Variants in CFAP47 observed in about 807,000 individuals in gnomAD.
CFAP47 encodes cilia and flagella associated protein 47.
Under a neutral mutation model 148.1 loss-of-function variants are expected in CFAP47, and 29 were observed. The observed-to-expected ratio is 0.20, with a 90% CI of 0.15 to 0.27. The LOEUF (loss-of-function observed/expected upper bound fraction) is 0.27. Among genes scored for constraint, CFAP47 ranks in the 10% least tolerant of loss-of-function variants. CFAP47 has a pLI of 1.00. For missense variants in CFAP47, 1,872 were observed against 1,697.5 expected (o/e 1.10, Z -1.81); for synonymous variants, 664 against 577.3 (o/e 1.15, Z -2.15).
chrX:36,312,703 C>A (rs1371728441), intron 56 of CFAP47, among the ~76,000 whole-genome samples: 1 of 111,578 alleles, frequency 9.0e-6, no homozygotes, highest in Non-Finnish European at 1.9e-5. Flanking sequence ...CATTGCTGTA[C>A]ATTTCTTTCT....
chrX:36,302,056 T>C (rs1941303354), intron 53 of CFAP47, among the ~76,000 whole-genome samples: 1 of 109,237 alleles, frequency 9.2e-6, no homozygotes, highest in Admixed American at 1.0e-4. Flanking sequence ...AGATATCTAG[T>C]ATGAAAATAT....
Position 36,334,619 on chromosome X carries a change from T to C in CFAP47, c.8444-13510T>C, listed in dbSNP as rs148509207. Among the ~76,000 whole-genome samples, 707 of 110,173 alleles carry C rather than the reference T, an allele frequency of 6.4e-3. 9 individuals carry two copies. The highest frequency in any genetic ancestry group is 0.022 in the African/African-American group (655 of 29,933). On this transcript the variant is annotated intron_variant, in intron 57 of 63. Coordinates refer to ENST00000378653, the MANE Select transcript of CFAP47 (RefSeq NM_001304548.2). ...CGATTCCAAACCTCCACTTTTTTTT[T>C]CTTGAGCCAGTTCAGTCAGGCTATT...
intron 27 of CFAP47, among the ~76,000 whole-genome samples, chrX:36,067,934 A>C (rs1601957858): frequency 9.0e-6 from 1 of 111,340 alleles, no homozygotes; most frequent in East Asian, 2.8e-4. Flanking sequence ...TACAGGCGTG[A>C]GCCACCGCGC....
intron 62 of CFAP47, chrX:36,374,919 C>T: frequency 1.5e-6 from 1 of 647,995 alleles, no homozygotes; most frequent in Non-Finnish European, 2.5e-6. Context: ...GATTATTCTG[C>T]CGTTTTTCTA....
chrX:36,176,035 A>T (rs901030183), intron 39 of CFAP47, among the ~76,000 whole-genome samples: 12 of 112,111 alleles, frequency 1.1e-4, no homozygotes, highest in African/African-American at 3.9e-4. Flanking sequence ...GGAAAAGCGC[A>T]GTATTCAGGT....
At chrX:36,364,901 CATAT>C (rs60748143) in intron 61 of CFAP47, among the ~76,000 whole-genome samples, 9,878 of 66,671 alleles carry the variant, frequency 0.15, 757 homozygotes, top group East Asian at 0.23. Flanking sequence ...ATATTTTGTG[CATAT>C]ATATATATAT....
chrX:36,016,841 C>G (rs1316806751), intron 22 of CFAP47, among the ~76,000 whole-genome samples: 2 of 108,123 alleles, frequency 1.8e-5, no homozygotes, highest in Non-Finnish European at 3.8e-5. Flanking sequence ...TTGTTTTTGC[C>G]TATCTTTTGG....
At chrX:36,012,175 G>A (rs190985656) in intron 21 of CFAP47, among the ~76,000 whole-genome samples, 75 of 111,355 alleles carry the variant, frequency 6.7e-4, no homozygotes, top group Non-Finnish European at 1.2e-3. Context: ...AATAGATGCC[G>A]GTGAGGCTGT....
intron 62 of CFAP47, chrX:36,367,996 G>A (rs1941895312): frequency 9.0e-6 from 1 of 111,659 alleles, no homozygotes; most frequent in South Asian, 3.7e-4. Context: ...CAGCTTTATG[G>A]TCAAAATGAG....
chrX:35,919,895 T>C lies in CFAP47; in HGVS notation c.96T>C (p.Asp32=). ...QRGSLVPRDM[D]SSGRDMQLRV... ...GTTCCCTCGTCCCCCGGGATATGGA[T>C]AGCTCGGGTAGAGACATGCAGCTGC... The change falls in exon 1 of 64, where the codon GAT becomes GAC. Residue 32 remains aspartate (D), a synonymous_variant. Transcript: ENST00000378653. 1 of 1,210,789 alleles carries C rather than the reference T, an allele frequency of 8.3e-7. No individual in the cohort carries two copies. Among genetic ancestry groups the C allele is most frequent in the African/African-American group, 1.7e-5 (1 of 57,662 alleles).
rs1311880322 is a variant in CFAP47 at position 36,106,477 on chromosome X, G to T, written c.5320+1786G>T. On this transcript the variant is annotated intron_variant, in intron 33 of 63. Transcript: ENST00000378653. ...CAGATCTAAAGGCTGAGAAGTCCAA[G>T]ATTAAGGTACTGGCAGGTTCTATGT... Among the ~76,000 whole-genome samples the T allele has an allele frequency of 3.8e-4, 43 of 111,795 alleles. 2 individuals are homozygous for T. The highest frequency in any genetic ancestry group is 5.6e-5 in the Non-Finnish European group (3 of 53,161).
chrX:36,264,604 G>A (rs1204926618), intron 49 of CFAP47, among the ~76,000 whole-genome samples: 1 of 111,687 alleles, frequency 9.0e-6, no homozygotes, highest in Non-Finnish European at 1.9e-5. Context: ...GATGCTCTCC[G>A]CTCACTGCCA....
At chrX:36,019,829 T>C (rs771995326) in intron 22 of CFAP47, among the ~76,000 whole-genome samples, 1 of 112,204 alleles carries the variant, frequency 8.9e-6, no homozygotes, top group South Asian at 3.6e-4. Flanking sequence ...TCTCTCTTGT[T>C]TTTTAGTTAG....
intron 33 of CFAP47, among the ~76,000 whole-genome samples, chrX:36,129,664 C>A (rs757042656): frequency 1.8e-5 from 2 of 111,093 alleles, no homozygotes; most frequent in South Asian, 7.4e-4. Flanking sequence ...AAATTACTAG[C>A]AAATGGAATC....
intron 26 of CFAP47, among the ~76,000 whole-genome samples, chrX:36,055,165 T>A (rs1371136539): frequency 9.0e-6 from 1 of 110,750 alleles, no homozygotes; most frequent in African/African-American, 3.3e-5. Flanking sequence ...TTTATTTTTC[T>A]TCAATTTTTA....
At chrX:36,170,010 C>T (rs1483171665) in intron 39 of CFAP47, among the ~76,000 whole-genome samples, 2 of 111,753 alleles carry the variant, frequency 1.8e-5, no homozygotes, top group African/African-American at 6.5e-5. Flanking sequence ...CAGTCTTTCC[C>T]TTCTTCAGGT....
chrX:36,320,327 C>T (rs1941468663), intron 57 of CFAP47, among the ~76,000 whole-genome samples: 1 of 112,145 alleles, frequency 8.9e-6, no homozygotes, highest in African/African-American at 3.2e-5. Context: ...AAAATACTGA[C>T]TGAAATAAAT....
At chrX:36,191,893 G>T (rs1013085504) in intron 42 of CFAP47, among the ~76,000 whole-genome samples, 2 of 110,790 alleles carry the variant, frequency 1.8e-5, no homozygotes, top group Admixed American at 1.9e-4. Flanking sequence ...TGAGGCAGGA[G>T]AATTGCTTGA....
chrX:36,272,132 C>T (rs1047348785), intron 49 of CFAP47, among the ~76,000 whole-genome samples: 3 of 111,766 alleles, frequency 2.7e-5, no homozygotes, highest in Non-Finnish European at 5.6e-5. Context: ...AGATCAGCTG[C>T]GAACAAAAGC....
Sources: allele counts gnomAD v4.1 joint callset (sites outside exome capture counted in the v4.1 genomes callset), GRCh38; gene constraint gnomAD v4.1.1; transcripts MANE v1.5; gene names NCBI Gene and HGNC (gene_info 2026-07-23, HGNC 2026-07-21).